The following EYS variants were observed in gnomAD, a reference collection of about 807,000 sequenced individuals.
EYS encodes EGF-like photoreceptor maintenance factor.
In EYS, 250 loss-of-function variants were observed where a neutral mutation model predicts 282.1. That is an observed-to-expected ratio of 0.89 (90% CI 0.80 to 0.98). The LOEUF is 0.98. Ranked by LOEUF, EYS falls within the 50% of genes least tolerant of loss-of-function variation. The pLI, the probability that EYS is intolerant of heterozygous loss-of-function variation, is 0.00. For synonymous variants in EYS, 1,355 were observed against 1,282.9 expected, an observed-to-expected ratio of 1.06 and a Z score of -1.20; for missense variants, 4,016 against 3,709.0, an observed-to-expected ratio of 1.08 and a Z score of -2.15.
At chr6:64,880,826 A>T (rs966598234) in intron 19 of EYS, among the ~76,000 whole-genome samples, 1 of 148,994 alleles carries the variant, frequency 6.7e-6, no homozygotes, top group African/African-American at 2.5e-5. Context: ...AAGAGATTTT[A>T]TATATATATA....
chr6:65,539,629 G>A (rs572588152), intron 2 of EYS, among the ~76,000 whole-genome samples: 11 of 152,216 alleles, frequency 7.2e-5, no homozygotes, highest in African/African-American at 2.6e-4. Flanking sequence ...AATATGTGTT[G>A]TATTTCTAGC....
At chr6:64,436,487 C>G (rs1238601126) in intron 27 of EYS, among the ~76,000 whole-genome samples, 1 of 151,736 alleles carries the variant, frequency 6.6e-6, no homozygotes. Flanking sequence ...AATACACATG[C>G]ATACATGTGT....
chr6:64,324,752 C>A (rs1424918258), intron 29 of EYS, among the ~76,000 whole-genome samples: 1 of 152,160 alleles, frequency 6.6e-6, no homozygotes, highest in East Asian at 1.9e-4. Flanking sequence ...GGACCTGATA[C>A]ATAATTTTAG....
At chr6:64,871,124 T>C (rs998754919) in intron 19 of EYS, among the ~76,000 whole-genome samples, 1 of 151,922 alleles carries the variant, frequency 6.6e-6, no homozygotes, top group East Asian at 1.9e-4. Context: ...GTTTCTACGA[T>C]TTTTCTGCTG....
intron 36 of EYS, among the ~76,000 whole-genome samples, chr6:63,856,156 T>A (rs886314424): frequency 6.6e-6 from 1 of 152,000 alleles, no homozygotes; most frequent in African/African-American, 2.4e-5. Context: ...CAGTATTCAT[T>A]TGATATGAAG....
chr6:65,042,622 A>C lies in EYS; in HGVS notation c.2137+14992T>G, dbSNP rs1211379737. On this transcript the variant is annotated intron_variant, in intron 13 of 42. Transcript: ENST00000503581. The stretch of plus-strand genomic sequence containing the variant: ...TTCAATTTATCACATTTGCTATATT[A>C]TTGTCATATTTGTTATGTTTATTAT... 2.0e-5 allele frequency among the ~76,000 whole-genome samples: 3 copies of C among 151,358 alleles called. No individual in the cohort carries two copies. The Admixed American group carries it at 2.0e-4, about 10-fold the overall frequency.
intron 22 of EYS, among the ~76,000 whole-genome samples, chr6:64,764,220 G>T (rs1773253394): frequency 6.6e-6 from 1 of 152,204 alleles, no homozygotes; most frequent in Non-Finnish European, 1.5e-5. Flanking sequence ...TCTCCCTGAG[G>T]GCTCCGCTTT....
chr6:65,360,959 A>G (rs1471824783), intron 8 of EYS, among the ~76,000 whole-genome samples: 3 of 152,128 alleles, frequency 2.0e-5, no homozygotes, highest in Non-Finnish European at 2.9e-5. Flanking sequence ...CCATATTTCC[A>G]TCTATATTTC....
chr6:64,821,574 C>T (rs971235299), intron 21 of EYS, 71 bp downstream of exon 21: 7 of 773,168 alleles, frequency 9.1e-6, no homozygotes, highest in Middle Eastern at 3.7e-4. Flanking sequence ...CTGAAACCTA[C>T]AGCAAGCAAT....
At chr6:64,508,627 C>T (rs571399893) in intron 26 of EYS, among the ~76,000 whole-genome samples, 325 of 149,692 alleles carry the variant, frequency 2.2e-3, no homozygotes, top group Non-Finnish European at 3.1e-3. Context: ...CATTTGTTAT[C>T]TTAGGCTTAT....
intron 19 of EYS, among the ~76,000 whole-genome samples, chr6:64,865,311 A>G (rs186124441): frequency 1.3e-5 from 2 of 152,274 alleles, no homozygotes; most frequent in East Asian, 1.9e-4. Flanking sequence ...AAAAGAGATC[A>G]TATAATAGAT....
chr6:65,125,330 C>T (rs577433613), intron 12 of EYS, among the ~76,000 whole-genome samples: 4 of 152,218 alleles, frequency 2.6e-5, no homozygotes, highest in Admixed American at 1.3e-4. Flanking sequence ...TCAATGAAAC[C>T]AGTTGCTAAG....
intron 2 of EYS, among the ~76,000 whole-genome samples, chr6:65,553,420 T>C (rs912317735): frequency 9.2e-5 from 14 of 152,174 alleles, no homozygotes; most frequent in African/African-American, 3.4e-4. Flanking sequence ...CAGGAAGCTA[T>C]GTCCAGCATC....
intron 12 of EYS, among the ~76,000 whole-genome samples, chr6:65,178,261 C>A (rs956298294): frequency 6.6e-6 from 1 of 151,952 alleles, no homozygotes; most frequent in Admixed American, 6.6e-5. Flanking sequence ...ACTATCTTGC[C>A]TGTTGCTCCC....
intron 32 of EYS, among the ~76,000 whole-genome samples, chr6:64,075,904 T>C (rs1478558420): frequency 1.3e-5 from 2 of 151,946 alleles, no homozygotes; most frequent in Non-Finnish European, 2.9e-5. Flanking sequence ...AGGTCAAGGG[T>C]TGGCAATCTA....
chr6:65,376,023 G>A (rs1765350848), intron 8 of EYS, among the ~76,000 whole-genome samples: 2 of 152,050 alleles, frequency 1.3e-5, no homozygotes, highest in East Asian at 3.9e-4. Context: ...GAAATACAGA[G>A]AATGCCACTA....
intron 33 of EYS, among the ~76,000 whole-genome samples, chr6:64,026,342 CG>C (rs1407826709): frequency 6.6e-6 from 1 of 152,074 alleles, no homozygotes; most frequent in East Asian, 1.9e-4. Context: ...AAACCATGGG[CG>C]GTTTTGTCTT....
intron 34 of EYS, among the ~76,000 whole-genome samples, chr6:63,997,554 C>T (rs577105302): frequency 3.3e-5 from 5 of 152,230 alleles, no homozygotes; most frequent in Non-Finnish European, 7.4e-5. Flanking sequence ...CTTTAGAGTG[C>T]CTACATGCAT....
intron 42 of EYS, 44 bp downstream of exon 42, chr6:63,726,475 C>T (rs1451677568): frequency 8.6e-6 from 13 of 1,502,926 alleles, no homozygotes; most frequent in Non-Finnish European, 1.2e-5. Flanking sequence ...ACTTAATAGA[C>T]TATTAGGAAT....
Sources: gnomAD v4.1 joint callset for allele counts (sites outside exome capture counted in the v4.1 genomes callset) on GRCh38, gnomAD v4.1.1 for gene constraint, MANE v1.5 for transcripts, NCBI Gene and HGNC (gene_info 2026-07-23, HGNC 2026-07-21) for gene names.